The following C8orf88 variants were observed in gnomAD, a reference collection of about 807,000 sequenced individuals.
C8orf88 encodes chromosome 8 open reading frame 88.
In C8orf88, 14 loss-of-function variants were observed where a neutral mutation model predicts 18.4. The ratio of observed to expected loss-of-function variants is 0.76; its 90% confidence interval spans 0.50 to 1.19. The LOEUF is 1.19. Among genes scored for constraint, C8orf88 ranks in the 50% most tolerant of loss-of-function variants. The pLI, the probability that C8orf88 is intolerant of heterozygous loss-of-function variation, is 0.00. For synonymous variants in C8orf88, 45 were observed against 42.9 expected, an observed-to-expected ratio of 1.05 and a Z score of -0.19; for missense variants, 116 against 134.7, an observed-to-expected ratio of 0.86 and a Z score of 0.69.
intron 1 of C8orf88, among the ~76,000 whole-genome samples, chr8:90,981,940 A>G (rs1011517177): frequency 2.6e-5 from 4 of 152,168 alleles, no homozygotes; most frequent in African/African-American, 9.6e-5. Context: ...TTCACCAAGT[A>G]TAAGATAGAG....
chr8:90,981,536 A>G (rs1811435546), intron 1 of C8orf88, among the ~76,000 whole-genome samples: 1 of 152,164 alleles, frequency 6.6e-6, no homozygotes, highest in Non-Finnish European at 1.5e-5. Context: ...CTCTAATAAT[A>G]AAATAATAAT....
intron 2 of C8orf88, 30 bp downstream of exon 2, chr8:90,980,333 A>G (rs751879614): frequency 2.5e-4 from 345 of 1,395,926 alleles, no homozygotes; most frequent in Non-Finnish European, 3.1e-4. Flanking sequence ...ACACATTAAT[A>G]TTTAAAGAAC....
chr8:90,958,888 CAAAT>C lies in C8orf88; in HGVS notation c.*115_*118del, dbSNP rs1811081490. The C allele has an allele frequency of 1.6e-6, 1 of 617,986 alleles. No homozygotes were observed. The highest frequency in any genetic ancestry group is 2.0e-5 in the African/African-American group (1 of 50,430). The allele number at this position is 617,986 out of a possible 1,614,324, so 38.3% of individuals were successfully genotyped here. A position where few individuals can be genotyped will look rare whatever the true frequency, so the allele number is the denominator to read the frequency against. On this transcript the variant is annotated 3_prime_UTR_variant, in exon 6 of 6. Transcript: ENST00000517562. ...AGCTCTTTCTCATTTTTAGAGAAGT[CAAAT>C]AGCCAACCATCAAAATTAAGAATAA...
intron 4 of C8orf88, among the ~76,000 whole-genome samples, chr8:90,969,772 G>A (rs1811257749): frequency 6.6e-6 from 1 of 151,872 alleles, no homozygotes; most frequent in Non-Finnish European, 1.5e-5. Context: ...ATTTTTAAAT[G>A]GTTAAAATGG....
chr8:90,979,667 G>C (rs1038143253), intron 2 of C8orf88, among the ~76,000 whole-genome samples: 1 of 152,126 alleles, frequency 6.6e-6, no homozygotes, highest in African/African-American at 2.4e-5. Flanking sequence ...TGAATACACA[G>C]ACTAAGAAAA....
intron 5 of C8orf88, 101 bp downstream of exon 5, chr8:90,960,638 TATA>T (rs1248961640): frequency 3.5e-6 from 2 of 578,856 alleles, no homozygotes; most frequent in Non-Finnish European, 2.9e-6. Context: ...ACTTATATCT[TATA>T]ATAAGGAAGG....
chr8:90,972,180 T>C (rs536427841), intron 3 of C8orf88, among the ~76,000 whole-genome samples: 1 of 152,160 alleles, frequency 6.6e-6, no homozygotes, highest in South Asian at 2.1e-4. Context: ...CTACTCCACC[T>C]AAAGGCAGTA....
rs1240974987 is a variant in C8orf88, at chr8:90,971,133, C to T, written c.156G>A (p.Thr52=). ...CIQSGVSRCK[T]NGMQAFSQGL... is the part of the protein sequence containing the mutation. ...CTTGAGAAAAGGCTTGCATTCCATT[C>T]GTCTTACACTGTTAAACATGAAGAA... The change falls in exon 4 of 6, where the codon ACG becomes ACA. Residue 52 remains threonine (T), a synonymous_variant. Coordinates refer to ENST00000517562, the MANE Select transcript of C8orf88 (RefSeq NM_001190972.2). 2.1e-5 allele frequency: 32 copies of T among 1,504,094 alleles called. No homozygotes were observed. Among genetic ancestry groups the T allele is most frequent in the South Asian group, 2.6e-5 (2 of 78,106 alleles). 93.2% of individuals were successfully genotyped at this position (1,504,094 alleles called of 1,614,324 possible). A position where few individuals can be genotyped will look rare whatever the true frequency, so the allele number is the denominator to read the frequency against.
chr8:90,961,783 T>A (rs1811131798), intron 4 of C8orf88, among the ~76,000 whole-genome samples: 1 of 151,410 alleles, frequency 6.6e-6, no homozygotes, highest in South Asian at 2.1e-4. Context: ...AGATAATATA[T>A]AGATGAAGGG....
chr8:90,975,041 T>C (rs1811327759), intron 3 of C8orf88, among the ~76,000 whole-genome samples: 1 of 152,168 alleles, frequency 6.6e-6, no homozygotes, highest in Admixed American at 6.5e-5. Flanking sequence ...ATTTTATAAA[T>C]GATGTTCAAA....
chr8:90,981,315 T>A lies in C8orf88; in HGVS notation c.-26-854A>T, dbSNP rs138006930. Among the ~76,000 whole-genome samples, 310 of 152,294 alleles carry A rather than the reference T, an allele frequency of 2.0e-3. 2 individuals carry two copies. Among genetic ancestry groups the A allele is most frequent in the African/African-American group, 7.0e-3 (291 of 41,562 alleles). On this transcript the variant is annotated intron_variant, in intron 1 of 5. Coordinates refer to ENST00000517562, the MANE Select transcript of C8orf88 (RefSeq NM_001190972.2). ...TTCCAAAATCAGTCTTTAATTTCTG[T>A]TCACGCTACTTCCAAAATATTAATG... is the stretch of plus-strand genomic sequence containing the variant.
intron 3 of C8orf88, among the ~76,000 whole-genome samples, chr8:90,976,103 G>A (rs1416871087): frequency 6.6e-6 from 1 of 152,022 alleles, no homozygotes; most frequent in African/African-American, 2.4e-5. Context: ...CAGTGGATGT[G>A]TGGGGCAAGA....
Position 90,960,837 on chromosome 8 carries a change from AT to A in C8orf88, c.234del (p.Lys78AsnfsTer8). On this transcript the variant is annotated frameshift_variant, in exon 5 of 6. Coordinates refer to ENST00000517562, the MANE Select transcript of C8orf88 (RefSeq NM_001190972.2). LOFTEE classifies it high-confidence loss of function. ...AGCTTCAACAGGAAATCTCTGCTGT[AT>A]TTAATTCTCTCTGTAGATATTAAAC... is the stretch of plus-strand genomic sequence containing the variant. ...QQSPVKKERI[K>X]YSRDFLLKLS... The A allele has an allele frequency of 6.6e-7, 1 of 1,519,630 alleles. No homozygotes were observed. Among genetic ancestry groups the A allele is most frequent in the Non-Finnish European group, 8.8e-7 (1 of 1,132,980 alleles). The allele number at this position is 1,519,630 out of a possible 1,614,324, so 94.1% of individuals were successfully genotyped here.
chr8:90,967,187 T>C (rs1790241295), intron 4 of C8orf88, among the ~76,000 whole-genome samples: 1 of 151,904 alleles, frequency 6.6e-6, no homozygotes, highest in African/African-American at 2.4e-5. Context: ...ATCATGTGTT[T>C]TCCCCTGAAT....
intron 4 of C8orf88, among the ~76,000 whole-genome samples, chr8:90,964,571 TAAAG>T (rs1447216513): frequency 1.3e-5 from 2 of 151,596 alleles, no homozygotes; most frequent in African/African-American, 2.4e-5. Flanking sequence ...CATGAGGAAA[TAAAG>T]AACACCAGTA....
Position 90,984,183 on chromosome 8 carries a change from G to C in C8orf88, c.-27+931C>G, listed in dbSNP as rs764898165. 2.0e-5 allele frequency among the ~76,000 whole-genome samples: 3 copies of C among 152,064 alleles called. No individual in the cohort carries two copies. The East Asian group carries it at 5.8e-4, about 29-fold the overall frequency. On this transcript the variant is annotated intron_variant, in intron 1 of 5. Coordinates refer to ENST00000517562, the MANE Select transcript of C8orf88 (RefSeq NM_001190972.2). Reference sequence around the variant, plus strand: ...GGAAAGTACTGATGCTACCGCTGCCGTTGAGAAATAAGATCATATAAAGTG... The same window carrying C: ...GGAAAGTACTGATGCTACCGCTGCCCTTGAGAAATAAGATCATATAAAGTG...
At chr8:90,985,247 C>CG (rs1476123107), upstream of C8orf88, 1 of 8,896 alleles carries the variant, frequency 1.1e-4, no homozygotes, top group Non-Finnish European at 2.2e-4. Context: ...GTGGCGGCGG[C>CG]GGGGGGCGAG....
chr8:90,960,513 A>C (rs1198289554), intron 5 of C8orf88, among the ~76,000 whole-genome samples: 1 of 151,320 alleles, frequency 6.6e-6, no homozygotes, highest in Non-Finnish European at 1.5e-5. Context: ...TATTTTCATG[A>C]CCTTTCCATT....
At chr8:90,979,189 T>A (rs1811396220) in intron 2 of C8orf88, among the ~76,000 whole-genome samples, 1 of 152,178 alleles carries the variant, frequency 6.6e-6, no homozygotes, top group South Asian at 2.1e-4. Context: ...CTAAATAAGA[T>A]ACCAGGGCTA....
Sources: allele counts gnomAD v4.1 joint callset (sites outside exome capture counted in the v4.1 genomes callset), GRCh38; gene constraint gnomAD v4.1.1; transcripts MANE v1.5; gene names NCBI Gene and HGNC (gene_info 2026-07-23, HGNC 2026-07-21).